Variants in COL5A2 observed in about 807,000 individuals in gnomAD.
COL5A2 encodes collagen type V alpha 2 chain, also known as collagen alpha-2(V) chain.
A neutral mutation model predicts 208.2 loss-of-function variants in COL5A2; 23 were observed. That is an observed-to-expected ratio of 0.11 (90% CI 0.08 to 0.16). The LOEUF is 0.16. Among genes scored for constraint, COL5A2 ranks in the 10% least tolerant of loss-of-function variants. COL5A2 has a pLI of 1.00. For missense variants in COL5A2, 1,590 were observed against 1,956.4 expected (o/e 0.81, Z 3.53); for synonymous variants, 625 against 628.5 (o/e 0.99, Z 0.08).
At chr2:189,085,042 T>C in intron 11 of COL5A2, 118 bp downstream of exon 11, 2 of 817,074 alleles carry the variant, frequency 2.4e-6, no homozygotes, top group Non-Finnish European at 4.1e-6. Flanking sequence ...ACATTGAATT[T>C]AATGCAAGCT....
chr2:189,134,702 G>C (rs1469471090), intron 1 of COL5A2, among the ~76,000 whole-genome samples: 1 of 152,184 alleles, frequency 6.6e-6, no homozygotes, highest in African/African-American at 2.4e-5. Flanking sequence ...CCTGGAATTT[G>C]AGGGTCAGCA....
intron 1 of COL5A2, among the ~76,000 whole-genome samples, chr2:189,153,224 C>T (rs771345302): frequency 2.0e-5 from 3 of 152,110 alleles, no homozygotes; most frequent in South Asian, 2.1e-4. Flanking sequence ...GGGCAAAAAA[C>T]GTAATGTTAC....
intron 1 of COL5A2, among the ~76,000 whole-genome samples, chr2:189,189,509 C>T (rs1209258106): frequency 5.9e-5 from 9 of 152,092 alleles, no homozygotes; most frequent in Admixed American, 5.9e-4. Flanking sequence ...CATAATGAGA[C>T]CCCATCTCTA....
the COL5A2 span, among the ~76,000 whole-genome samples, chr2:189,359,437 G>T: frequency 6.6e-6 from 1 of 152,116 alleles, no homozygotes; most frequent in Non-Finnish European, 1.5e-5. Flanking sequence ...TGATCATAGT[G>T]AATAATCCTT....
the COL5A2 span, among the ~76,000 whole-genome samples, chr2:189,437,055 GAT>G: frequency 6.6e-6 from 1 of 152,142 alleles, no homozygotes; most frequent in Non-Finnish European, 1.5e-5. Context: ...GTCTGAACGA[GAT>G]AGTCTTTGAA....
At chr2:189,115,359 A>G (rs1376884885) in intron 1 of COL5A2, among the ~76,000 whole-genome samples, 2 of 151,704 alleles carry the variant, frequency 1.3e-5, no homozygotes, top group African/African-American at 2.4e-5. Flanking sequence ...TGCCAACTAT[A>G]TGGTATGCCC....
At chr2:189,139,135 C>T (rs1208757698) in intron 1 of COL5A2, among the ~76,000 whole-genome samples, 2 of 152,036 alleles carry the variant, frequency 1.3e-5, no homozygotes, top group Non-Finnish European at 2.9e-5. Flanking sequence ...CCAGGCTTGG[C>T]GCGGTGGCTC....
intron 1 of COL5A2, among the ~76,000 whole-genome samples, chr2:189,209,195 A>G (rs1368756300): frequency 2.6e-5 from 4 of 152,166 alleles, no homozygotes; most frequent in Non-Finnish European, 5.9e-5. Flanking sequence ...ATACAGTATC[A>G]ATTCTTTATA....
At chr2:189,201,175 A>G (rs1689063933) in intron 1 of COL5A2, among the ~76,000 whole-genome samples, 2 of 152,110 alleles carry the variant, frequency 1.3e-5, no homozygotes, top group Admixed American at 6.5e-5. Flanking sequence ...AGGTAGAACA[A>G]AAGATGTGAA....
the COL5A2 span, among the ~76,000 whole-genome samples, chr2:189,395,686 T>A: frequency 0.026 from 3,959 of 151,656 alleles, 80 homozygotes; most frequent in Non-Finnish European, 0.04. Flanking sequence ...GGTGGGTCAC[T>A]TGAGGTCAGG....
At chr2:189,261,315 G>A in the COL5A2 span, among the ~76,000 whole-genome samples, 1 of 152,158 alleles carries the variant, frequency 6.6e-6, no homozygotes, top group Admixed American at 6.5e-5. Flanking sequence ...ACATACATAT[G>A]TTGAAAATAA....
chr2:189,384,429 C>G, the COL5A2 span, among the ~76,000 whole-genome samples: 9 of 152,086 alleles, frequency 5.9e-5, no homozygotes, highest in Non-Finnish European at 1.3e-4. Context: ...CATCTTCCGT[C>G]TTTTTGATAA....
chr2:189,135,032 G>A (rs1040614267), intron 1 of COL5A2, among the ~76,000 whole-genome samples: 2 of 152,130 alleles, frequency 1.3e-5, no homozygotes, highest in South Asian at 4.2e-4. Flanking sequence ...ATAACGTTGG[G>A]TTGGCTGGAC....
chr2:189,348,827 G>C, the COL5A2 span, among the ~76,000 whole-genome samples: 1 of 152,118 alleles, frequency 6.6e-6, no homozygotes, highest in Non-Finnish European at 1.5e-5. Flanking sequence ...ACATCACACA[G>C]ATATCAATTC....
At chr2:189,191,159 C>CAAAAAAAAAAAAAAAAAAAAAA (rs1688920072) in intron 1 of COL5A2, among the ~76,000 whole-genome samples, 1 of 19,070 alleles carries the variant, frequency 5.2e-5, no homozygotes, top group Non-Finnish European at 2.9e-4. Context: ...AAACAAAAAA[C>CAAAAAAAAAAAAAAAAAAAAAA]AAACAAACAA....
intron 8 of COL5A2, 29 bp from the exon 9 acceptor site, chr2:189,086,799 A>G: frequency 6.4e-7 from 1 of 1,558,792 alleles, no homozygotes; most frequent in African/African-American, 1.4e-5. Flanking sequence ...GAAACGTTGC[A>G]AAGTACTCAT....
chr2:189,120,105 T>C (rs1687470839), intron 1 of COL5A2, among the ~76,000 whole-genome samples: 1 of 152,116 alleles, frequency 6.6e-6, no homozygotes, highest in African/African-American at 2.4e-5. Flanking sequence ...CTAGCAAATA[T>C]AATAACAATT....
the COL5A2 span, among the ~76,000 whole-genome samples, chr2:189,278,244 T>C: frequency 1.8e-3 from 274 of 152,234 alleles, no homozygotes; most frequent in Admixed American, 3.7e-3. Flanking sequence ...GGAAAAAATA[T>C]TTCACCCTCA....
the COL5A2 span, among the ~76,000 whole-genome samples, chr2:189,244,445 C>T: frequency 1.5e-3 from 230 of 152,300 alleles, no homozygotes; most frequent in Non-Finnish European, 2.6e-3. Context: ...AGTCTCTTTG[C>T]TAAAACATAA....
Sources: allele counts gnomAD v4.1 joint callset (sites outside exome capture counted in the v4.1 genomes callset), GRCh38; gene constraint gnomAD v4.1.1; transcripts MANE v1.5; gene names NCBI Gene and HGNC (gene_info 2026-07-23, HGNC 2026-07-21).